The following LAMA2 variants were observed in gnomAD, a reference collection of about 807,000 sequenced individuals.
The protein encoded by LAMA2 is laminin subunit alpha 2, also known as laminin subunit alpha-2.
A neutral mutation model predicts 364.8 loss-of-function variants in LAMA2; 269 were observed. The observed-to-expected ratio is 0.74, with a 90% CI of 0.67 to 0.82. The LOEUF is 0.82. Among genes scored for constraint, LAMA2 ranks in the 40% least tolerant of loss-of-function variants. The probability of loss-of-function intolerance (pLI) is 0.00; values close to 1 mark genes in which losing one functional copy is unlikely to be tolerated. For missense variants in LAMA2, 3,807 were observed against 3,873.2 expected, an observed-to-expected ratio of 0.98 and a Z score of 0.45; for synonymous variants, 1,379 against 1,370.6, an observed-to-expected ratio of 1.01 and a Z score of -0.14.
intron 1 of LAMA2, among the ~76,000 whole-genome samples, chr6:128,903,229 C>T (rs192760263): frequency 1.3e-5 from 2 of 152,110 alleles, no homozygotes; most frequent in East Asian, 3.9e-4. Context: ...TTGTGCATTA[C>T]ATTTCATTGA....
chr6:128,963,343 G>A (rs1215435652), intron 1 of LAMA2, among the ~76,000 whole-genome samples: 1 of 152,084 alleles, frequency 6.6e-6, no homozygotes, highest in African/African-American at 2.4e-5. Context: ...TTACTACTGT[G>A]AAAATGTATG....
At chr6:129,113,656 GAC>G (rs1338060086) in intron 4 of LAMA2, among the ~76,000 whole-genome samples, 1 of 152,004 alleles carries the variant, frequency 6.6e-6, no homozygotes, top group African/African-American at 2.4e-5. Flanking sequence ...CTGTAACATA[GAC>G]AGAAGACTAC....
At chr6:129,150,584 G>T (rs899303153) in intron 7 of LAMA2, among the ~76,000 whole-genome samples, 2 of 152,130 alleles carry the variant, frequency 1.3e-5, no homozygotes, top group African/African-American at 4.8e-5. Flanking sequence ...AGCAATAGAG[G>T]TAGACTAAGC....
At chr6:129,235,646 A>G (rs987430678) in intron 12 of LAMA2, among the ~76,000 whole-genome samples, 3 of 152,186 alleles carry the variant, frequency 2.0e-5, no homozygotes, top group South Asian at 2.1e-4. Context: ...AGAAAATAGT[A>G]AAGAACAGTT....
chr6:129,265,124 G>T (rs1186070684), intron 15 of LAMA2, among the ~76,000 whole-genome samples: 1 of 152,096 alleles, frequency 6.6e-6, no homozygotes, highest in Non-Finnish European at 1.5e-5. Flanking sequence ...AACAGATGCT[G>T]GAATCAGATG....
Position 129,449,589 on chromosome 6 carries a change from T to C in LAMA2, c.6430-3399T>C, listed in dbSNP as rs571330840. On this transcript the variant is annotated intron_variant, in intron 45 of 64. Coordinates refer to ENST00000421865, the MANE Select transcript of LAMA2 (RefSeq NM_000426.4). ...AATTTTGTTGGACACATTCAAGCCA[T>C]AGCAGTTACTCTGTAGGATTAATTG... is the stretch of plus-strand genomic sequence containing the variant. Among the ~76,000 whole-genome samples the C allele has an allele frequency of 1.1e-4, 16 of 152,310 alleles. No homozygotes were observed. The East Asian group carries it at 3.1e-3, about 29-fold the overall frequency.
At chr6:129,372,920 G>A (rs1278732356) in intron 34 of LAMA2, among the ~76,000 whole-genome samples, 2 of 152,074 alleles carry the variant, frequency 1.3e-5, no homozygotes, top group Non-Finnish European at 2.9e-5. Flanking sequence ...CTTTTCATAT[G>A]CTTATTTGCC....
intron 40 of LAMA2, among the ~76,000 whole-genome samples, chr6:129,411,575 T>C (rs1439580955): frequency 6.6e-6 from 1 of 152,204 alleles, no homozygotes; most frequent in Admixed American, 6.5e-5. Flanking sequence ...AAAAACTCCA[T>C]AGAAACCTCA....
intron 58 of LAMA2, among the ~76,000 whole-genome samples, chr6:129,495,843 T>A (rs1192405573): frequency 2.0e-5 from 3 of 152,198 alleles, no homozygotes; most frequent in Admixed American, 6.5e-5. Context: ...TTTTTTTTTT[T>A]TATAACCTTC....
intron 41 of LAMA2, among the ~76,000 whole-genome samples, chr6:129,434,209 A>T (rs925029505): frequency 7.2e-5 from 11 of 152,182 alleles, no homozygotes; most frequent in African/African-American, 2.7e-4. Flanking sequence ...TGCGATTTTT[A>T]TTCTGGATAT....
chr6:128,931,811 A>G (rs1779499064), intron 1 of LAMA2, among the ~76,000 whole-genome samples: 1 of 152,232 alleles, frequency 6.6e-6, no homozygotes, highest in South Asian at 2.1e-4. Context: ...AATTTAAACA[A>G]ATAAAAATTA....
In LAMA2 at chr6:129,111,284, T is replaced by C. The variant is rs1415040707; in HGVS notation, c.639+12869T>C. On this transcript the variant is annotated intron_variant, in intron 4 of 64. Transcript: ENST00000421865. ...AATGTAAATGAAAAATGTTGCTCAA[T>C]TCTGCTACCTGGGTAGTACATAAGA... Among the ~76,000 whole-genome samples, 6 of 152,030 alleles carry C rather than the reference T, an allele frequency of 3.9e-5. 1 individual carries two copies. In the South Asian group the frequency reaches 6.2e-4, roughly 16 times the overall value.
chr6:129,219,042 C>G (rs953102192), intron 12 of LAMA2, among the ~76,000 whole-genome samples: 5 of 151,888 alleles, frequency 3.3e-5, no homozygotes, highest in Non-Finnish European at 7.4e-5. Flanking sequence ...GTTAAGACAC[C>G]GTAATAATGT....
At chr6:128,921,454 A>C (rs1348241274) in intron 1 of LAMA2, among the ~76,000 whole-genome samples, 1 of 152,214 alleles carries the variant, frequency 6.6e-6, no homozygotes, top group Non-Finnish European at 1.5e-5. Flanking sequence ...AGGTGATGTC[A>C]TACTGGTTTA....
intron 17 of LAMA2, among the ~76,000 whole-genome samples, chr6:129,278,200 T>G (rs958769723): frequency 6.6e-6 from 1 of 152,142 alleles, no homozygotes; most frequent in Admixed American, 6.5e-5. Context: ...AGACTCTGTC[T>G]CAAATAAAAT....
chr6:129,453,087 G>C lies in LAMA2; in HGVS notation c.6529G>C (p.Ala2177Pro). Residue 2177 changes from alanine (A) to proline (P), a missense_variant, in exon 46 of 65, where the codon GCT becomes CCT. Around this residue, in one of 3 missense-constraint regions of LAMA2, gnomAD observed 3,333 missense variants for 3,345.7 expected, o/e 1.00. Coordinates refer to ENST00000421865, the MANE Select transcript of LAMA2 (RefSeq NM_000426.4). ...YNNIVVNVKT[A>P]VADNLLFYLG... ...TAATATTGTTGTCAACGTAAAGACA[G>C]CTGTTGCTGATAACCTCCTCTTTTA... 1 of 1,613,078 alleles carries C rather than the reference G, an allele frequency of 6.2e-7. No homozygotes were observed. The highest frequency in any genetic ancestry group is 1.1e-5 in the South Asian group (1 of 91,066).
At chr6:129,446,554 G>C (rs1340367330) in intron 45 of LAMA2, among the ~76,000 whole-genome samples, 24 of 58,242 alleles carry the variant, frequency 4.1e-4, no homozygotes, top group East Asian at 2.7e-3. Context: ...GGAGGGGAGG[G>C]GAGGGGAGGG....
intron 40 of LAMA2, among the ~76,000 whole-genome samples, chr6:129,416,756 C>A (rs1780811838): frequency 6.9e-6 from 1 of 145,186 alleles, no homozygotes; most frequent in Non-Finnish European, 1.5e-5. Flanking sequence ...GCTCACACTA[C>A]CACTACTGGG....
intron 12 of LAMA2, among the ~76,000 whole-genome samples, chr6:129,200,177 T>C (rs1782129068): frequency 6.7e-6 from 1 of 148,300 alleles, no homozygotes; most frequent in South Asian, 2.1e-4. Context: ...CGTGTACACA[T>C]ATACATGTGT....
Sources: allele counts gnomAD v4.1 joint callset (sites outside exome capture counted in the v4.1 genomes callset), GRCh38; gene constraint gnomAD v4.1.1; regional missense constraint gnomAD v4.1.1; transcripts MANE v1.5; gene names NCBI Gene and HGNC (gene_info 2026-07-23, HGNC 2026-07-21).